The following DEUP1 variants were observed in gnomAD, a reference collection of about 807,000 sequenced individuals.
DEUP1 encodes deuterosome assembly protein 1.
In DEUP1, 82 loss-of-function variants were observed where a neutral mutation model predicts 87.4. The ratio of observed to expected loss-of-function variants is 0.94; its 90% CI spans 0.78 to 1.13. The LOEUF (loss-of-function observed/expected upper bound fraction) is 1.13. Among genes scored for constraint, DEUP1 ranks in the 50% most tolerant of loss-of-function variants. The probability of loss-of-function intolerance (pLI) is 0.00; values close to 1 mark genes in which losing one functional copy is unlikely to be tolerated. For missense variants in DEUP1, 663 were observed against 681.5 expected, an observed-to-expected ratio of 0.97 and a Z score of 0.30; for synonymous variants, 214 against 222.7, an observed-to-expected ratio of 0.96 and a Z score of 0.35.
At chr11:93,398,971 C>A (rs1947028664) in intron 11 of DEUP1, among the ~76,000 whole-genome samples, 1 of 152,086 alleles carries the variant, frequency 6.6e-6, no homozygotes, top group Admixed American at 6.5e-5. Flanking sequence ...GATCCACCAG[C>A]CTTGGCCTCC....
intron 7 of DEUP1, among the ~76,000 whole-genome samples, chr11:93,379,855 T>C (rs1048850520): frequency 9.9e-5 from 15 of 152,240 alleles, no homozygotes. Flanking sequence ...TACTTAATAA[T>C]TTATTAATGT....
chr11:93,431,059 G>A (rs1325542540), intron 13 of DEUP1, among the ~76,000 whole-genome samples: 1 of 139,106 alleles, frequency 7.2e-6, no homozygotes, highest in Non-Finnish European at 1.5e-5. Flanking sequence ...TAGGATCACT[G>A]CACTCCAGCC....
intron 13 of DEUP1, among the ~76,000 whole-genome samples, chr11:93,415,627 C>T (rs967008338): frequency 1.3e-5 from 2 of 151,886 alleles, no homozygotes; most frequent in African/African-American, 4.8e-5. Flanking sequence ...TGTTCCCTTC[C>T]AGTCTCTACT....
chr11:93,347,145 CT>C (rs1944390559), intron 2 of DEUP1, among the ~76,000 whole-genome samples: 1 of 152,146 alleles, frequency 6.6e-6, no homozygotes, highest in African/African-American at 2.4e-5. Context: ...ATGCTTCCAG[CT>C]TTTGCGCATT....
intron 4 of DEUP1, 103 bp downstream of exon 4, chr11:93,357,146 T>G (rs905698680): frequency 1.4e-6 from 1 of 692,860 alleles, no homozygotes; most frequent in Non-Finnish European, 2.4e-6. Flanking sequence ...AACAAATGTC[T>G]TGTATTTTAA....
chr11:93,331,471 G>A (rs150205522), intron 1 of DEUP1, among the ~76,000 whole-genome samples: 5,535 of 151,786 alleles, frequency 0.036, 109 homozygotes, highest in Non-Finnish European at 0.057. Context: ...TCTTTTTAAA[G>A]GCATTCTTAG....
In DEUP1 at chr11:93,371,118, GAT is replaced by G; in HGVS notation, c.630_631del (p.Ile210MetfsTer2). The G allele has an allele frequency of 5.0e-6, 8 of 1,612,934 alleles. No homozygotes were observed. The highest frequency in any genetic ancestry group is 6.8e-6 in the Non-Finnish European group (8 of 1,179,342). ...EDSSSEIPRL[I>X]CDPDPNCEIN... ...ACAGCAGCTCTGAAATTCCTCGTTT[GAT>G]ATGTGACCCAGATCCCAATTGTGAA... On this transcript the variant is annotated frameshift_variant, in exon 7 of 14. Coordinates refer to ENST00000298050, the MANE Select transcript of DEUP1 (RefSeq NM_181645.4). LOFTEE classifies it high-confidence loss of function.
chr11:93,352,366 C>G, intron 2 of DEUP1: 1 of 702,494 alleles, frequency 1.4e-6, no homozygotes, highest in Non-Finnish European at 2.6e-6. Flanking sequence ...CTTACACCAG[C>G]TCCCTGGAGA....
chr11:93,350,987 T>C (rs1250461082), intron 2 of DEUP1, among the ~76,000 whole-genome samples: 1 of 148,330 alleles, frequency 6.7e-6, no homozygotes, highest in Non-Finnish European at 1.5e-5. Context: ...TATATATTTT[T>C]ATATGAAAAT....
intron 5 of DEUP1, 84 bp from the exon 6 acceptor site, chr11:93,369,989 A>T: frequency 4.6e-6 from 3 of 654,030 alleles, no homozygotes; most frequent in Non-Finnish European, 5.4e-6. Context: ...CAGAATGAAG[A>T]TGTACAAATG....
At chr11:93,413,268 G>A (rs1246077483) in intron 12 of DEUP1, among the ~76,000 whole-genome samples, 6 of 143,654 alleles carry the variant, frequency 4.2e-5, no homozygotes, top group Non-Finnish European at 9.0e-5. Flanking sequence ...TTGAGACGGA[G>A]TCTCTCTCTG....
At chr11:93,393,516 C>A (rs1053794864) in intron 9 of DEUP1, among the ~76,000 whole-genome samples, 1 of 152,004 alleles carries the variant, frequency 6.6e-6, no homozygotes, top group Non-Finnish European at 1.5e-5. Context: ...TTCATTCATC[C>A]TTCAGTTTTG....
At chr11:93,368,199 C>T (rs1945518306) in intron 5 of DEUP1, among the ~76,000 whole-genome samples, 1 of 152,220 alleles carries the variant, frequency 6.6e-6, no homozygotes, top group African/African-American at 2.4e-5. Flanking sequence ...TTGGTACTGC[C>T]TAAATGAGGC....
chr11:93,400,923 A>G (rs111943241), intron 11 of DEUP1, among the ~76,000 whole-genome samples: 52 of 152,302 alleles, frequency 3.4e-4, no homozygotes, highest in African/African-American at 1.2e-3. Flanking sequence ...TTTATTCAAC[A>G]TAATACTCGA....
intron 9 of DEUP1, among the ~76,000 whole-genome samples, chr11:93,391,895 G>A (rs1286362107): frequency 2.0e-5 from 3 of 152,072 alleles, no homozygotes; most frequent in Admixed American, 2.0e-4. Flanking sequence ...TGTCCTCCGG[G>A]TTAGGATACT....
chr11:93,399,733 G>T (rs898491836), intron 11 of DEUP1, among the ~76,000 whole-genome samples: 9 of 151,550 alleles, frequency 5.9e-5, no homozygotes, highest in African/African-American at 2.2e-4. Context: ...TTTACTAGAG[G>T]TTTCTTAGGC....
chr11:93,437,903 G>T lies in DEUP1; in HGVS notation c.*184G>T. ...GTTCTATAAAGCTGTTCACATTTCT[G>T]CATTAACATGCTAAATTGTCCTGCT... On this transcript the variant is annotated 3_prime_UTR_variant, in exon 14 of 14. Transcript: ENST00000298050. 2.2e-6 allele frequency: 1 copy of T among 462,434 alleles called. No individual in the cohort carries two copies. The highest frequency in any genetic ancestry group is 3.9e-6 in the Non-Finnish European group (1 of 255,414). 28.6% of individuals were successfully genotyped at this position (462,434 alleles called of 1,614,324 possible).
intron 7 of DEUP1, among the ~76,000 whole-genome samples, chr11:93,384,262 C>T (rs1472767850): frequency 3.3e-5 from 5 of 152,202 alleles, no homozygotes; most frequent in Non-Finnish European, 5.9e-5. Context: ...ATACCCTGCA[C>T]TTCTCCTTCT....
At chr11:93,384,170 G>T (rs1402029615) in intron 7 of DEUP1, among the ~76,000 whole-genome samples, 1 of 152,110 alleles carries the variant, frequency 6.6e-6, no homozygotes, top group South Asian at 2.1e-4. Context: ...CCAGCAATCC[G>T]GCTTTTTTTC....
Sources: allele counts gnomAD v4.1 joint callset (sites outside exome capture counted in the v4.1 genomes callset), GRCh38; gene constraint gnomAD v4.1.1; transcripts MANE v1.5; gene names NCBI Gene and HGNC (gene_info 2026-07-23, HGNC 2026-07-21).